EBF4: variants seen among roughly 807,000 people sequenced by gnomAD.
The protein encoded by EBF4 is transcription factor COE4.
EBF4 carries 34 observed loss-of-function variants against 67.1 expected under a neutral mutation model. That is an observed-to-expected ratio of 0.51 (90% CI 0.39 to 0.67). EBF4 has a LOEUF of 0.67. Ranked by LOEUF, EBF4 falls within the 30% of genes least tolerant of loss-of-function variation. The probability of loss-of-function intolerance (pLI) is 0.00; values close to 1 mark genes in which losing one functional copy is unlikely to be tolerated. For synonymous variants in EBF4, 387 were observed against 377.7 expected (o/e 1.02, Z -0.29); for missense variants, 837 against 873.3 (o/e 0.96, Z 0.52).
chr20:2,740,300 G>A (rs934136771), intron 6 of EBF4, among the ~76,000 whole-genome samples: 3 of 151,234 alleles, frequency 2.0e-5, no homozygotes, highest in Non-Finnish European at 4.4e-5. Context: ...GCAACAGAGC[G>A]AGACTCCGTT....
At chr20:2,744,084 A>AT (rs11426724) in intron 6 of EBF4, among the ~76,000 whole-genome samples, 49,339 of 114,748 alleles carry the variant, frequency 0.43, 8,808 homozygotes, top group East Asian at 0.55. Flanking sequence ...TATTTTTTTT[A>AT]TTTTTTTTTT....
intron 6 of EBF4, among the ~76,000 whole-genome samples, 178 bp downstream of exon 6, chr20:2,709,820 C>A (rs540772678): frequency 1.6e-4 from 25 of 152,214 alleles, no homozygotes; most frequent in African/African-American, 6.0e-4. Context: ...CCAGCCGTGG[C>A]CCCTGAGTGA....
intron 1 of EBF4, 45 bp from the exon 2 acceptor site, chr20:2,705,532 A>G: frequency 1.3e-6 from 2 of 1,551,390 alleles, no homozygotes; most frequent in Non-Finnish European, 1.7e-6. Flanking sequence ...AGTCTTTCTC[A>G]CTGGGGGGCC....
At chr20:2,719,075 T>C (rs1240501282) in intron 6 of EBF4, among the ~76,000 whole-genome samples, 1 of 152,134 alleles carries the variant, frequency 6.6e-6, no homozygotes, top group Non-Finnish European at 1.5e-5. Flanking sequence ...CTAGAATCTT[T>C]TTATTATCAA....
chr20:2,727,904 A>G (rs1467530436), intron 6 of EBF4, among the ~76,000 whole-genome samples: 1 of 152,136 alleles, frequency 6.6e-6, no homozygotes, highest in African/African-American at 2.4e-5. Flanking sequence ...AAATTGGATT[A>G]TTTGGGGGTT....
chr20:2,699,522 G>A (rs111585649), intron 1 of EBF4, among the ~76,000 whole-genome samples: 1 of 152,198 alleles, frequency 6.6e-6, no homozygotes, highest in South Asian at 2.1e-4. Context: ...GGGTTCTTTA[G>A]TACGGGGGCA....
rs1466982871 is a variant in EBF4 at position 2,751,622 on chromosome 20, C to T, written c.1019-78C>T. ...GGCTCTCGGACTGGGCGCTGGCCTG[C>T]TTTTGGCGCCCTGCGTCTCACCCTG... On this transcript the variant is annotated intron_variant, in intron 10 of 16. Coordinates refer to ENST00000609451, the Ensembl canonical transcript of EBF4. The surrounding 1 kb of genome is among the most constrained non-coding windows in gnomAD (Gnocchi z 5.2). The T allele has an allele frequency of 2.7e-6, 4 of 1,466,152 alleles. No individual in the cohort carries two copies. Among genetic ancestry groups the T allele is most frequent in the Non-Finnish European group, 3.7e-6 (4 of 1,072,826 alleles). The allele number at this position is 1,466,152 out of a possible 1,614,324, so 90.8% of individuals were successfully genotyped here.
At chr20:2,701,603 G>A (rs1346823082) in intron 1 of EBF4, among the ~76,000 whole-genome samples, 1 of 152,252 alleles carries the variant, frequency 6.6e-6, no homozygotes, top group Non-Finnish European at 1.5e-5. Context: ...TTTGGCCTGA[G>A]CACTTGCAGG....
chr20:2,712,169 A>G (rs2087553166), intron 6 of EBF4, among the ~76,000 whole-genome samples: 1 of 152,180 alleles, frequency 6.6e-6, no homozygotes, highest in African/African-American at 2.4e-5. Context: ...GAAGCCATTG[A>G]GGGGTGTTGA....
intron 6 of EBF4, among the ~76,000 whole-genome samples, chr20:2,725,193 A>G (rs1034481712): frequency 1.3e-5 from 2 of 152,116 alleles, no homozygotes; most frequent in Admixed American, 6.6e-5. Flanking sequence ...GAACACTCCA[A>G]TTTAGATCTT....
chr20:2,698,593 G>C (rs1388689676), intron 1 of EBF4, among the ~76,000 whole-genome samples: 1 of 152,112 alleles, frequency 6.6e-6, no homozygotes, highest in Non-Finnish European at 1.5e-5. Context: ...AGGGACTGGT[G>C]GAGCCCTGTC....
chr20:2,700,725 ATCAGCTT>A (rs2087362428), intron 1 of EBF4, among the ~76,000 whole-genome samples: 5 of 125,324 alleles, frequency 4.0e-5, no homozygotes, highest in Non-Finnish European at 3.5e-5. Flanking sequence ...TCAGCTTGTA[ATCAGCTT>A]GTAATCTCCC....
chr20:2,737,066 G>T (rs541546948), intron 6 of EBF4, among the ~76,000 whole-genome samples: 2 of 151,872 alleles, frequency 1.3e-5, no homozygotes, highest in East Asian at 1.9e-4. Flanking sequence ...TGGCTAACAC[G>T]GTGAAACCCC....
chr20:2,702,940 A>G (rs1244585727), intron 1 of EBF4, among the ~76,000 whole-genome samples: 2 of 152,026 alleles, frequency 1.3e-5, no homozygotes, highest in Non-Finnish European at 2.9e-5. Context: ...TGTTTCCGAA[A>G]CCATGACCCT....
At chr20:2,700,130 T>C (rs150130151) in intron 1 of EBF4, among the ~76,000 whole-genome samples, 2 of 152,320 alleles carry the variant, frequency 1.3e-5, no homozygotes, top group African/African-American at 4.8e-5. Flanking sequence ...GGGATAATGC[T>C]GAGGCACACA....
chr20:2,708,604 C>A (rs2087494003), intron 5 of EBF4, among the ~76,000 whole-genome samples: 1 of 152,184 alleles, frequency 6.6e-6, no homozygotes, highest in Non-Finnish European at 1.5e-5. Flanking sequence ...CCTGTAATCC[C>A]AGCTACTTGG....
At chr20:2,720,638 TA>T (rs1417353031) in intron 6 of EBF4, among the ~76,000 whole-genome samples, 38 of 152,224 alleles carry the variant, frequency 2.5e-4, no homozygotes, top group African/African-American at 8.9e-4. Context: ...TTTTACGTGT[TA>T]TAAAATCCAA....
intron 6 of EBF4, among the ~76,000 whole-genome samples, chr20:2,718,232 A>G (rs1248163032): frequency 1.3e-5 from 2 of 152,254 alleles, no homozygotes; most frequent in African/African-American, 4.8e-5. Context: ...ATGTATGTTC[A>G]TAATGGATAT....
At chr20:2,728,985 CA>C (rs2146441321) in intron 6 of EBF4, among the ~76,000 whole-genome samples, 1 of 152,168 alleles carries the variant, frequency 6.6e-6, no homozygotes, top group East Asian at 1.9e-4. Flanking sequence ...ACTGCCACTT[CA>C]AGATTACTGT....
Sources: gnomAD v4.1 joint callset for allele counts (sites outside exome capture counted in the v4.1 genomes callset) on GRCh38, gnomAD v4.1.1 for gene constraint, Gnocchi (gnomAD v3.1) non-coding constraint, MANE v1.5 for transcripts, NCBI Gene and HGNC (gene_info 2026-07-23, HGNC 2026-07-21) for gene names.